Variants in ZNF883 observed in about 807,000 individuals in gnomAD.
ZNF883 encodes the protein zinc finger protein 883.
At chr9:113,005,041 T>C (rs548398564) in intron 2 of ZNF883, among the ~76,000 whole-genome samples, 2 of 152,200 alleles carry the variant, frequency 1.3e-5, no homozygotes, top group East Asian at 1.9e-4. Flanking sequence ...TGCTGCCTTA[T>C]GAAAAATAAT....
chr9:112,991,884 C>T (rs1828306926), intron 1 of ZNF883, among the ~76,000 whole-genome samples: 1 of 152,098 alleles, frequency 6.6e-6, no homozygotes, highest in Non-Finnish European at 1.5e-5. Context: ...TCTGTTTTGT[C>T]AGAAACTAGT....
At chr9:113,000,437 A>G (rs905856922), upstream of ZNF883, among the ~76,000 whole-genome samples, 2 of 152,156 alleles carry the variant, frequency 1.3e-5, no homozygotes, top group African/African-American at 4.8e-5. Flanking sequence ...TTTTAGATTA[A>G]AAGCTTGTTA....
At chr9:113,008,440 C>T (rs991360418) in intron 2 of ZNF883, among the ~76,000 whole-genome samples, 6 of 152,016 alleles carry the variant, frequency 3.9e-5, no homozygotes, top group East Asian at 1.9e-4. Context: ...GGAAATTCTA[C>T]GGATTTATGA....
intron 1 of ZNF883, among the ~76,000 whole-genome samples, chr9:112,991,313 A>T (rs931169474): frequency 1.3e-5 from 2 of 152,190 alleles, no homozygotes; most frequent in African/African-American, 4.8e-5. Flanking sequence ...GGTTTCAAAA[A>T]ACAATTTGAT....
chr9:112,994,084 T>C (rs570609065), downstream of ZNF883, among the ~76,000 whole-genome samples: 6 of 152,136 alleles, frequency 3.9e-5, no homozygotes, highest in East Asian at 3.9e-4. Context: ...AGCTCTGTGG[T>C]AGGCTCTCTC....
intron 2 of ZNF883, among the ~76,000 whole-genome samples, chr9:113,007,655 C>T (rs1488179558): frequency 6.6e-5 from 10 of 152,126 alleles, no homozygotes; most frequent in Admixed American, 5.2e-4. Context: ...AAAATAAAAA[C>T]GAGTGCCAGA....
chr9:113,008,819 C>T (rs991636843), intron 2 of ZNF883, among the ~76,000 whole-genome samples: 3 of 151,772 alleles, frequency 2.0e-5, no homozygotes, highest in African/African-American at 7.3e-5. Context: ...GGAGGGAAGA[C>T]AGGTTCCCTC....
intron 1 of ZNF883, among the ~76,000 whole-genome samples, chr9:112,988,714 C>A (rs1828275738): frequency 6.6e-6 from 1 of 152,138 alleles, no homozygotes; most frequent in African/African-American, 2.4e-5. Context: ...GGTCTGAGGT[C>A]TTTGAGGAAT....
At position 112,997,188 on chromosome 9, in the gene ZNF883, A is replaced by T. The variant is rs3739840; in HGVS notation, n.1072T>A. The T allele has an allele frequency of 1.6e-4, 257 of 1,613,552 alleles. 1 individual carries two copies. In the East Asian group the frequency reaches 5.7e-3, roughly 36 times the overall value. On this transcript the variant is annotated non_coding_transcript_exon_variant, in exon 1 of 1. Coordinates refer to ENST00000639662, the Ensembl canonical transcript of ZNF883. The stretch of plus-strand genomic sequence containing the variant: ...CGAATTAAGGATGTACTATGACAAA[A>T]GACATCACCACACTTAGTACATTGA...
At chr9:113,001,833 A>G (rs1449172638), upstream of ZNF883, among the ~76,000 whole-genome samples, 1 of 152,218 alleles carries the variant, frequency 6.6e-6, no homozygotes, top group African/African-American at 2.4e-5. Flanking sequence ...CTTCTAAGGT[A>G]ACAAAGTAAG....
chr9:112,988,750 G>T (rs894156267), intron 1 of ZNF883, among the ~76,000 whole-genome samples: 2 of 152,148 alleles, frequency 1.3e-5, no homozygotes, highest in Non-Finnish European at 2.9e-5. Flanking sequence ...CACAATGATT[G>T]AACTAATTTA....
Position 112,998,015 on chromosome 9 carries a change from G to C in ZNF883, n.245C>G, listed in dbSNP as rs767571202. The C allele has an allele frequency of 2.5e-6, 4 of 1,613,664 alleles. No individual in the cohort carries two copies. In the African/African-American group the frequency reaches 5.3e-5, roughly 22 times the overall value. Reference sequence around the variant, plus strand: ...GACTCTTTGATGCTGAATAAGATTAGTGCTCTGACTAAAAGCTTTCCCACA... The same window carrying C: ...GACTCTTTGATGCTGAATAAGATTACTGCTCTGACTAAAAGCTTTCCCACA... On this transcript the variant is annotated non_coding_transcript_exon_variant, in exon 1 of 1. Coordinates refer to ENST00000639662, the Ensembl canonical transcript of ZNF883.
At chr9:112,997,292 C>T (rs1396879159) in exon 1 of ZNF883, 1 of 1,614,194 alleles carries the variant, frequency 6.2e-7, no homozygotes, top group East Asian at 2.2e-5. Context: ...ACATTCATTA[C>T]ACTGGTAGGG....
intron 2 of ZNF883, among the ~76,000 whole-genome samples, chr9:113,009,367 CCT>C (rs1194520109): frequency 6.6e-6 from 1 of 152,154 alleles, no homozygotes; most frequent in Non-Finnish European, 1.5e-5. Flanking sequence ...ATCACTCACC[CCT>C]CTCTGGCCAC....
At chr9:112,992,550 T>C (rs1448283232), downstream of ZNF883, among the ~76,000 whole-genome samples, 1 of 152,186 alleles carries the variant, frequency 6.6e-6, no homozygotes, top group Non-Finnish European at 1.5e-5. Flanking sequence ...CTGATGATTA[T>C]GTGTTTTGGG....
chr9:113,003,939 T>G (rs763796819), intron 2 of ZNF883, among the ~76,000 whole-genome samples: 7 of 101,700 alleles, frequency 6.9e-5, no homozygotes, highest in Non-Finnish European at 9.8e-5. Context: ...AAAAAAGGTA[T>G]GTTGTAATCC....
intron 2 of ZNF883, among the ~76,000 whole-genome samples, chr9:113,006,615 C>G (rs1828479180): frequency 6.6e-6 from 1 of 152,082 alleles, no homozygotes; most frequent in South Asian, 2.1e-4. Context: ...AACCTGCTAT[C>G]TTAAAGAAGT....
chr9:112,997,169 A>G, exon 1 of ZNF883: 2 of 1,611,940 alleles, frequency 1.2e-6, no homozygotes, highest in Non-Finnish European at 1.7e-6. Context: ...ATGTCGAATT[A>G]AGGATGTACT....
chr9:112,997,244 T>C lies in ZNF883; in HGVS notation n.1016A>G, dbSNP rs780972796. ...TCTCTCCCTTGTATGTATTCGCTTA[T>C]GTTTAGTTAGAGCTGAGCTTAAGCT... On this transcript the variant is annotated non_coding_transcript_exon_variant, in exon 1 of 1. Coordinates refer to ENST00000639662, the Ensembl canonical transcript of ZNF883. The C allele has an allele frequency of 3.2e-5, 51 of 1,613,994 alleles. No homozygotes were observed. In the Middle Eastern group the frequency reaches 9.9e-4, roughly 31 times the overall value.
Sources: allele counts gnomAD v4.1 joint callset (sites outside exome capture counted in the v4.1 genomes callset), GRCh38; gene constraint gnomAD v4.1.1; transcripts MANE v1.5; gene names NCBI Gene and HGNC (gene_info 2026-07-23, HGNC 2026-07-21).